The following PDE8B variants were observed in gnomAD, a reference collection of about 807,000 sequenced individuals.
PDE8B encodes the protein phosphodiesterase 8B, also known as high affinity cAMP-specific and IBMX-insensitive 3',5'-cyclic phosphodiesterase 8B.
A neutral mutation model predicts 101.3 loss-of-function variants in PDE8B; 26 were observed. The observed-to-expected ratio is 0.26, with a 90% CI of 0.19 to 0.36. PDE8B has a LOEUF of 0.36. Ranked by LOEUF, PDE8B falls within the 10% of genes least tolerant of loss-of-function variation. The pLI is 1.00. For synonymous variants in PDE8B, 424 were observed against 429.3 expected, an observed-to-expected ratio of 0.99 and a Z score of 0.15; for missense variants, 810 against 1,163.1, an observed-to-expected ratio of 0.70 and a Z score of 4.42.
At chr5:77,412,990 AC>A (rs34299034) in intron 16 of PDE8B, 120 bp from the exon 17 acceptor site, 1 of 831,230 alleles carries the variant, frequency 1.2e-6, no homozygotes, top group Non-Finnish European at 2.1e-6. Context: ...ATGCTTTTAA[AC>A]CCCTGTGTGT....
At position 77,412,254 on chromosome 5, in the gene PDE8B, T is replaced by A; in HGVS notation, c.1712+19T>A. The A allele has an allele frequency of 1.2e-6, 2 of 1,613,600 alleles. No individual in the cohort carries two copies. The highest frequency in any genetic ancestry group is 1.7e-6 in the Non-Finnish European group (2 of 1,179,652). On this transcript the variant is annotated intron_variant, in intron 16 of 21. Transcript: ENST00000264917. ...ATAAAAGGTATGTGACTTCTCTGGCTGAAGGCAGAGCAGGATTGATGGCCA... is the reference window on the plus strand; with the variant it reads ...ATAAAAGGTATGTGACTTCTCTGGCAGAAGGCAGAGCAGGATTGATGGCCA...
In PDE8B at chr5:77,290,774, T is replaced by C. The variant is rs1767127980; in HGVS notation, c.340-21220T>C. ...GAATCATCACGGCATTCAATTTCCCTGTGGCAGTGTATGGTTGGAACAACG... is the reference window on the plus strand; with the variant it reads ...GAATCATCACGGCATTCAATTTCCCCGTGGCAGTGTATGGTTGGAACAACG... On this transcript the variant is annotated intron_variant, in intron 1 of 21. Coordinates refer to ENST00000264917, the MANE Select transcript of PDE8B (RefSeq NM_003719.5). The C allele has an allele frequency of 3.2e-5, 48 of 1,481,312 alleles. No homozygotes were observed. The South Asian group carries it at 5.3e-4, about 16-fold the overall frequency. The allele number at this position is 1,481,312 out of a possible 1,614,324, so 91.8% of individuals were successfully genotyped here. A position where few individuals can be genotyped will look rare whatever the true frequency, so the allele number is the denominator to read the frequency against.
chr5:77,284,235 C>G (rs1013844205), intron 1 of PDE8B, among the ~76,000 whole-genome samples: 1 of 152,154 alleles, frequency 6.6e-6, no homozygotes, highest in Non-Finnish European at 1.5e-5. Flanking sequence ...AGTCATTTAT[C>G]AAAATAATTT....
At chr5:77,214,862 C>T (rs1490292082) in intron 1 of PDE8B, among the ~76,000 whole-genome samples, 1 of 152,026 alleles carries the variant, frequency 6.6e-6, no homozygotes, top group African/African-American at 2.4e-5. Context: ...TAACAAGCTT[C>T]CAGGAGATGC....
intron 1 of PDE8B, among the ~76,000 whole-genome samples, chr5:77,227,754 A>C (rs1192816606): frequency 6.6e-6 from 1 of 152,192 alleles, no homozygotes; most frequent in Non-Finnish European, 1.5e-5. Flanking sequence ...ACTTTGGGGC[A>C]GACTGGTTCA....
chr5:77,139,851 C>T, the PDE8B span: 1 of 152,146 alleles, frequency 6.6e-6, no homozygotes, highest in Non-Finnish European at 1.5e-5. Flanking sequence ...TTTTCCTTTG[C>T]CCTTGTAAAT....
At chr5:77,287,956 T>C (rs1256258446) in intron 1 of PDE8B, among the ~76,000 whole-genome samples, 1 of 152,226 alleles carries the variant, frequency 6.6e-6, no homozygotes. Context: ...TGGCTTTTGG[T>C]CAACCTTTTT....
chr5:77,408,807 AT>A, intron 13 of PDE8B, 85 bp from the exon 14 acceptor site: 8 of 1,068,082 alleles, frequency 7.5e-6, no homozygotes, highest in Non-Finnish European at 5.8e-6. Context: ...TTACCCACTG[AT>A]TTCTTTTGGA....
chr5:77,333,700 CAGTT>C (rs923894951), intron 5 of PDE8B, among the ~76,000 whole-genome samples: 9 of 152,348 alleles, frequency 5.9e-5, no homozygotes, highest in African/African-American at 1.9e-4. Flanking sequence ...CATCTGCTCA[CAGTT>C]AGGAGAAACA....
chr5:77,126,041 C>G, the PDE8B span, among the ~76,000 whole-genome samples: 3 of 152,138 alleles, frequency 2.0e-5, no homozygotes, highest in Non-Finnish European at 4.4e-5. Context: ...AATCCTAGCA[C>G]TTTGGGAGGC....
intron 14 of PDE8B, chr5:77,410,325 T>C (rs546476907): frequency 6.6e-6 from 1 of 152,356 alleles, no homozygotes; most frequent in African/African-American, 2.4e-5. Context: ...GAAGGGGCAG[T>C]TTTTGCAGAT....
rs555375993 is a variant in PDE8B at position 77,414,564 on chromosome 5, G to A, written c.1911+1255G>A. Among the ~76,000 whole-genome samples, 46 of 151,706 alleles carry A rather than the reference G, an allele frequency of 3.0e-4. 1 individual carries two copies. The South Asian group carries it at 6.7e-3, about 22-fold the overall frequency. On this transcript the variant is annotated intron_variant, in intron 17 of 21. Transcript: ENST00000264917. ...GCCTCCTGAGTAGCTGGGACTACAGGCGTAGGCCACCATGCCCAGCCGATT... is the reference window on the plus strand; with the variant it reads ...GCCTCCTGAGTAGCTGGGACTACAGACGTAGGCCACCATGCCCAGCCGATT...
the PDE8B span, among the ~76,000 whole-genome samples, chr5:77,189,386 G>T: frequency 6.6e-6 from 1 of 152,164 alleles, no homozygotes; most frequent in Non-Finnish European, 1.5e-5. Flanking sequence ...AAGGATGCAA[G>T]TGTCAGATGT....
At chr5:77,384,300 A>T (rs1027724476) in intron 10 of PDE8B, among the ~76,000 whole-genome samples, 1 of 152,066 alleles carries the variant, frequency 6.6e-6, no homozygotes, top group Non-Finnish European at 1.5e-5. Context: ...GGTGTATAGG[A>T]ATGCTTGTGA....
chr5:77,282,814 T>C (rs950228476), intron 1 of PDE8B, among the ~76,000 whole-genome samples: 2 of 152,060 alleles, frequency 1.3e-5, no homozygotes, highest in African/African-American at 4.8e-5. Flanking sequence ...CTGGTAGAGC[T>C]GTGCTGCCTC....
chr5:77,095,138 A>G, the PDE8B span, among the ~76,000 whole-genome samples: 1 of 152,118 alleles, frequency 6.6e-6, no homozygotes, highest in Non-Finnish European at 1.5e-5. Context: ...TGGTAGAGAA[A>G]TACTCTCTCT....
At position 77,247,827 on chromosome 5, in the gene PDE8B, G is replaced by A. The variant is rs553736383; in HGVS notation, c.339+36563G>A. On this transcript the variant is annotated intron_variant, in intron 1 of 21. Coordinates refer to ENST00000264917, the MANE Select transcript of PDE8B (RefSeq NM_003719.5). ...AGTATGATAACTATGAATCCTTTCTGCCTCTTACCCTTGGCTGCCTCATCC... is the reference window on the plus strand; with the variant it reads ...AGTATGATAACTATGAATCCTTTCTACCTCTTACCCTTGGCTGCCTCATCC... 1.8e-3 allele frequency among the ~76,000 whole-genome samples: 268 copies of A among 152,222 alleles called. 1 individual carries two copies. The highest frequency in any genetic ancestry group is 5.8e-3 in the African/African-American group (242 of 41,528).
intron 19 of PDE8B, among the ~76,000 whole-genome samples, chr5:77,420,591 C>T (rs1316128576): frequency 6.6e-6 from 1 of 152,042 alleles, no homozygotes; most frequent in Non-Finnish European, 1.5e-5. Context: ...GTAACTTGCT[C>T]AGTAAGGAGA....
At chr5:77,294,407 A>G (rs551019728) in intron 1 of PDE8B, among the ~76,000 whole-genome samples, 2 of 152,318 alleles carry the variant, frequency 1.3e-5, no homozygotes, top group African/African-American at 4.8e-5. Context: ...ATGTGAACAC[A>G]TTCGCTTAAA....
Sources: gnomAD v4.1 joint callset for allele counts (sites outside exome capture counted in the v4.1 genomes callset) on GRCh38, gnomAD v4.1.1 for gene constraint, MANE v1.5 for transcripts, NCBI Gene and HGNC (gene_info 2026-07-23, HGNC 2026-07-21) for gene names.